ARHGEF15: variants seen among roughly 807,000 people sequenced by gnomAD.
ARHGEF15 encodes Rho guanine nucleotide exchange factor 15.
Under a neutral mutation model 79.7 loss-of-function variants are expected in ARHGEF15, and 58 were observed. The ratio of observed to expected loss-of-function variants is 0.73; its 90% CI spans 0.59 to 0.91. ARHGEF15 has a LOEUF of 0.91. Ranked by LOEUF, ARHGEF15 falls within the 40% of genes least tolerant of loss-of-function variation. The pLI, the probability that ARHGEF15 is intolerant of heterozygous loss-of-function variation, is 0.00. For synonymous variants in ARHGEF15, 442 were observed against 456.0 expected, an observed-to-expected ratio of 0.97 and a Z score of 0.39; for missense variants, 1,012 against 1,108.1, an observed-to-expected ratio of 0.91 and a Z score of 1.23.
Position 8,315,387 on chromosome 17 carries a change from C to T in ARHGEF15, c.1261-27C>T, listed in dbSNP as rs1327188812. 1.2e-6 allele frequency: 2 copies of T among 1,613,618 alleles called. No homozygotes were observed. The highest frequency in any genetic ancestry group is 2.7e-5 in the African/African-American group (2 of 74,878). ...TAGCTTCCCACGGTGAACTGGGCTT[C>T]CCACGACTGCCTGCTTTTCTTTCTA... is the stretch of plus-strand genomic sequence containing the variant. On this transcript the variant is annotated intron_variant, in intron 6 of 15. Transcript: ENST00000361926. This position sits in a 1 kb window ranked among gnomAD's most constrained non-coding sequence, Gnocchi z 4.3.
intron 4 of ARHGEF15, 96 bp from the exon 5 acceptor site, chr17:8,314,810 T>C: frequency 7.2e-7 from 1 of 1,389,852 alleles, no homozygotes; most frequent in Non-Finnish European, 9.7e-7. Context: ...ACATCCAACC[T>C]GCACATGGGT....
rs559965187 is a variant in ARHGEF15, at chr17:8,312,880, G to A, written c.602-42G>A. On this transcript the variant is annotated intron_variant, in intron 2 of 15. Transcript: ENST00000361926. ...AGATGGTCTGGGCGGGGGTGGAGCT[G>A]GGCCCCAAGGGCTTTCTCCTTAGGC... 2.1e-4 allele frequency: 328 copies of A among 1,562,166 alleles called. 4 individuals are homozygous for A. The South Asian group carries it at 3.3e-3, about 16-fold the overall frequency.
At position 8,318,736 on chromosome 17, in the gene ARHGEF15, C is replaced by A. The variant is rs371051378; in HGVS notation, c.1873-14C>A. 7 of 1,611,844 alleles carry A rather than the reference C, an allele frequency of 4.3e-6. No individual in the cohort carries two copies. The highest frequency in any genetic ancestry group is 1.7e-5 in the Admixed American group (1 of 59,874). ...TGCCACGCTAGAACCTCCTCTGCCT[C>A]CGCTTCCTCGCAGGCCCTGCCCCTG... is the stretch of plus-strand genomic sequence containing the variant. On this transcript the variant is annotated splice_polypyrimidine_tract_variant and intron_variant, in intron 11 of 15. Coordinates refer to ENST00000361926, the MANE Select transcript of ARHGEF15 (RefSeq NM_173728.4). This position sits in a 1 kb window ranked among gnomAD's most constrained non-coding sequence, Gnocchi z 5.0.
Position 8,315,923 on chromosome 17 carries a change from G to T in ARHGEF15, c.1574+16G>T, listed in dbSNP as rs1218348700. Reference sequence around the variant, plus strand: ...GCCGCCTCATGTGAGTGTCCCAGGGGTGGGGAGGAAGCTGGGGAGAGGGAT... The same window carrying T: ...GCCGCCTCATGTGAGTGTCCCAGGGTTGGGGAGGAAGCTGGGGAGAGGGAT... On this transcript the variant is annotated intron_variant, in intron 8 of 15. Transcript: ENST00000361926. The surrounding 1 kb of genome is among the most constrained non-coding windows in gnomAD (Gnocchi z 4.3). 2.5e-6 allele frequency: 4 copies of T among 1,606,858 alleles called. No individual in the cohort carries two copies. Among genetic ancestry groups the T allele is most frequent in the Admixed American group, 1.7e-5 (1 of 60,000 alleles).
chr17:8,316,289 GTC>G, intron 9 of ARHGEF15, 141 bp downstream of exon 9: 5 of 1,351,214 alleles, frequency 3.7e-6, no homozygotes, highest in Non-Finnish European at 4.9e-6. Context: ...CCGAATCTGG[GTC>G]TCTCAGCCTA....
intron 9 of ARHGEF15, among the ~76,000 whole-genome samples, chr17:8,316,698 G>T (rs1434892672): frequency 6.6e-6 from 1 of 152,158 alleles, no homozygotes; most frequent in Non-Finnish European, 1.5e-5. Context: ...GATGTTTAGG[G>T]AAAATTATCT....
In ARHGEF15 at chr17:8,315,886, A is replaced by T. The variant is rs754271609; in HGVS notation, c.1553A>T (p.Glu518Val). The T allele has an allele frequency of 6.2e-6, 10 of 1,610,544 alleles. No homozygotes were observed. Among genetic ancestry groups the T allele is most frequent in the Non-Finnish European group, 8.5e-6 (10 of 1,179,974 alleles). ...VDYVRNQQYQ[E>V]ETYSRLMDTN... ...TATGTGCGGAACCAGCAGTATCAGG[A>T]GGAGACCTACAGCCGCCTCATGTGA... The change falls in exon 8 of 16, where the codon GAG (glutamate) becomes GTG (valine). Residue 518 changes from glutamate to valine, a missense_variant. Around this residue, in one of 3 missense-constraint regions of ARHGEF15, gnomAD observed 818 missense variants for 882.5 expected, o/e 0.93. Coordinates refer to ENST00000361926, the MANE Select transcript of ARHGEF15 (RefSeq NM_173728.4). This position sits in a 1 kb window ranked among gnomAD's most constrained non-coding sequence, Gnocchi z 4.3.
chr17:8,319,569 G>C lies in ARHGEF15; in HGVS notation c.2340G>C (p.Arg780Ser). Residue 780 changes from arginine to serine, a missense_variant, in exon 15 of 16, where the codon AGG becomes AGC. Arg to Ser is a moderately radical substitution (Grantham distance 110). Transcript: ENST00000361926. ...CTGAAGGACGGAGTCTGGAGTCCAG[G>C]GCTGCCCCCAAACACCTGCACAAGA... The part of the protein sequence containing the change: ...AKTEGRSLES[R>S]AAPKHLHKTP... 6.2e-7 allele frequency: 1 copy of C among 1,607,386 alleles called. No homozygotes were observed. The highest frequency in any genetic ancestry group is 1.1e-5 in the South Asian group (1 of 89,938).
Position 8,315,756 on chromosome 17 carries a change from T to C in ARHGEF15, c.1423T>C (p.Phe475Leu), listed in dbSNP as rs1308620394. ...VQRVQGVSER[F>L]LATLLSRVRS... ...TGCTTGCTTCCCCAATTCCTTCAGG[T>C]TTCTAGCAACGCTCCTGTCCCGTGT... Residue 475 changes from phenylalanine (F) to leucine (L), a missense_variant and splice_region_variant, in exon 8 of 16, where the codon TTT (phenylalanine) becomes CTT (leucine). Around this residue, in one of 3 missense-constraint regions of ARHGEF15, gnomAD observed 818 missense variants for 882.5 expected, o/e 0.93. Transcript: ENST00000361926. The surrounding 1 kb of genome is among the most constrained non-coding windows in gnomAD (Gnocchi z 4.3). 6.2e-7 allele frequency: 1 copy of C among 1,611,016 alleles called. No individual in the cohort carries two copies. The highest frequency in any genetic ancestry group is 2.2e-5 in the East Asian group (1 of 44,816).
intron 15 of ARHGEF15, 92 bp from the exon 16 acceptor site, chr17:8,320,750 C>A (rs980038663): frequency 5.9e-5 from 68 of 1,145,020 alleles, no homozygotes; most frequent in Admixed American, 4.0e-4. Context: ...CCTACAATGA[C>A]CCTGAAGGCC....
In ARHGEF15 at chr17:8,319,621, T is replaced by A; in HGVS notation, c.2374+18T>A. 1.3e-6 allele frequency: 2 copies of A among 1,516,418 alleles called. No individual in the cohort carries two copies. The highest frequency in any genetic ancestry group is 2.6e-5 in the South Asian group (2 of 76,216). 93.9% of individuals were successfully genotyped at this position (1,516,418 alleles called of 1,614,324 possible). On this transcript the variant is annotated intron_variant, in intron 15 of 15. Transcript: ENST00000361926. ...CCCTGAAGGTGAGAAAGTCTTTCAT[T>A]TATTTATTTTGTATTTATTATTATT... is the stretch of plus-strand genomic sequence containing the variant.
At position 8,312,062 on chromosome 17, in the gene ARHGEF15, C is replaced by A; in HGVS notation, c.23C>A (p.Ala8Glu). 5 of 1,591,100 alleles carry A rather than the reference C, an allele frequency of 3.1e-6. No individual in the cohort carries two copies. Among genetic ancestry groups the A allele is most frequent in the Non-Finnish European group, 4.3e-6 (5 of 1,168,696 alleles). Residue 8 changes from alanine (A) to glutamate (E), a missense_variant, in exon 2 of 16, where the codon GCA becomes GAA. By Grantham distance (107) the Ala-to-Glu change is moderately radical. This residue lies in a region of ARHGEF15 where 818 missense variants were observed against 882.5 expected (regional missense o/e 0.93). Transcript: ENST00000361926. The stretch of plus-strand genomic sequence containing the variant: ...AAGATGTCAGCCCAGTCCCTTCCTG[C>A]AGCAACACCCCCCACGCAGAAGCCC... MSAQSLP[A>E]ATPPTQKPPR...
chr17:8,311,046 T>C (rs1904577643), intron 1 of ARHGEF15, among the ~76,000 whole-genome samples: 1 of 147,828 alleles, frequency 6.8e-6, no homozygotes, highest in African/African-American at 2.5e-5. Flanking sequence ...CAGAGGCCAC[T>C]GAGCTGCAAG....
At position 8,313,225 on chromosome 17, in the gene ARHGEF15, ATCTGCTT is replaced by A; in HGVS notation, c.910_916del (p.Leu304LysfsTer30). 1 of 1,605,872 alleles carries A rather than the reference ATCTGCTT, an allele frequency of 6.2e-7. No individual in the cohort carries two copies. The highest frequency in any genetic ancestry group is 8.5e-7 in the Non-Finnish European group (1 of 1,179,960). On this transcript the variant is annotated frameshift_variant, in exon 3 of 16. Transcript: ENST00000361926. LOFTEE classifies it high-confidence loss of function. ...GGGGACCCCCCACAGCCAGATCTTGATCTGCTTTCTGAAGATGGAATCCAAACAGGTG... is the reference window on the plus strand; with the variant it reads ...GGGGACCCCCCACAGCCAGATCTTGATCTGAAGATGGAATCCAAACAGGTG...
chr17:8,316,037 C>G lies in ARHGEF15; in HGVS notation c.1593C>G (p.Phe531Leu). Residue 531 changes from phenylalanine to leucine, a missense_variant, in exon 9 of 16, where the codon TTC (phenylalanine) becomes TTG (leucine). By Grantham distance (22) the Phe-to-Leu change is conservative. Around this residue, in one of 3 missense-constraint regions of ARHGEF15, gnomAD observed 818 missense variants for 882.5 expected, o/e 0.93. Transcript: ENST00000361926. ...TCTGCAGGGACACCAACGTGCGCTT[C>G]TCCGCCGAGCTGCGCCGGCTGCAGA... ...YSRLMDTNVR[F>L]SAELRRLQSL... 2 of 1,602,886 alleles carry G rather than the reference C, an allele frequency of 1.2e-6. No homozygotes were observed. The highest frequency in any genetic ancestry group is 1.7e-6 in the Non-Finnish European group (2 of 1,179,536).
intron 15 of ARHGEF15, 122 bp downstream of exon 15, chr17:8,319,725 TCCTGGG>T: frequency 1.3e-6 from 1 of 740,756 alleles, no homozygotes; most frequent in Non-Finnish European, 2.0e-6. Context: ...AACCTCTGCC[TCCTGGG>T]TTCAAGGGAT....
chr17:8,312,397 C>A lies in ARHGEF15; in HGVS notation c.358C>A (p.Pro120Thr). ...PEPAPRSPVP[P>T]PKPSGSPCTP... ...ACCTGCTCCCCGGTCTCCAGTCCCCCCACCCAAGCCGTCTGGGTCACCCTG... is the reference window on the plus strand; with the variant it reads ...ACCTGCTCCCCGGTCTCCAGTCCCCACACCCAAGCCGTCTGGGTCACCCTG... The change falls in exon 2 of 16, where the codon CCA (proline) becomes ACA (threonine). Residue 120 changes from proline (P) to threonine (T), a missense_variant. Pro to Thr is a conservative substitution (Grantham distance 38). Around this residue, in one of 3 missense-constraint regions of ARHGEF15, gnomAD observed 818 missense variants for 882.5 expected, o/e 0.93. Transcript: ENST00000361926. 1 of 1,612,352 alleles carries A rather than the reference C, an allele frequency of 6.2e-7. No homozygotes were observed. The highest frequency in any genetic ancestry group is 8.5e-7 in the Non-Finnish European group (1 of 1,179,214).
rs1905253736 is a variant in ARHGEF15 at position 8,319,582 on chromosome 17, C to T, written c.2353C>T (p.His785Tyr). The change falls in exon 15 of 16, where the codon CAC (histidine) becomes TAC (tyrosine). Residue 785 changes from histidine (H) to tyrosine (Y), a missense_variant. This residue lies in a region of ARHGEF15 where 132 missense variants were observed against 124.2 expected (regional missense o/e 1.06). Transcript: ENST00000361926. ...TCTGGAGTCCAGGGCTGCCCCCAAA[C>T]ACCTGCACAAGACCCCTGAAGGTGA... Reference protein sequence around the residue: ...RSLESRAAPKHLHKTPEGWLK... With the variant: ...RSLESRAAPKYLHKTPEGWLK... The T allele has an allele frequency of 6.3e-7, 1 of 1,598,306 alleles. No homozygotes were observed. Among genetic ancestry groups the T allele is most frequent in the South Asian group, 1.1e-5 (1 of 88,374 alleles).
Position 8,312,373 on chromosome 17 carries a change from C to T in ARHGEF15, c.334C>T (p.Pro112Ser). The T allele has an allele frequency of 1.2e-6, 2 of 1,607,464 alleles. No homozygotes were observed. Among genetic ancestry groups the T allele is most frequent in the Non-Finnish European group, 1.7e-6 (2 of 1,176,838 alleles). Reference sequence around the variant, plus strand: ...GTCCCGGCGCTCCGCCTCCCCAGAACCTGCTCCCCGGTCTCCAGTCCCCCC... The same window carrying T: ...GTCCCGGCGCTCCGCCTCCCCAGAATCTGCTCCCCGGTCTCCAGTCCCCCC... Reference protein sequence around the residue: ...PVSRRSASPEPAPRSPVPPPK... With the variant: ...PVSRRSASPESAPRSPVPPPK... The change falls in exon 2 of 16, where the codon CCT (proline) becomes TCT (serine). Residue 112 changes from proline to serine, a missense_variant. This residue lies in a region of ARHGEF15 where 818 missense variants were observed against 882.5 expected (regional missense o/e 0.93). Transcript: ENST00000361926.
Sources: allele counts gnomAD v4.1 joint callset (sites outside exome capture counted in the v4.1 genomes callset), GRCh38; gene constraint gnomAD v4.1.1; regional missense constraint gnomAD v4.1.1; non-coding constraint Gnocchi (gnomAD v3.1); transcripts MANE v1.5; gene names NCBI Gene and HGNC (gene_info 2026-07-23, HGNC 2026-07-21).